Variants in LRRC4C observed in about 807,000 individuals in gnomAD.
The protein encoded by LRRC4C is leucine rich repeat containing 4C.
LRRC4C carries 5 observed loss-of-function variants against 33.6 expected under a neutral mutation model. That is an observed-to-expected ratio of 0.15 (90% confidence interval 0.08 to 0.31). The LOEUF (loss-of-function observed/expected upper bound fraction) is 0.31, where lower values mean the gene tolerates loss of function less well. Among genes scored for constraint, LRRC4C ranks in the 10% least tolerant of loss-of-function variants. The probability of loss-of-function intolerance (pLI) is 1.00; values close to 1 mark genes in which losing one functional copy is unlikely to be tolerated. For missense variants in LRRC4C, 560 were observed against 796.7 expected, an observed-to-expected ratio of 0.70 and a Z score of 3.58; for synonymous variants, 329 against 302.0, an observed-to-expected ratio of 1.09 and a Z score of -0.93.
intron 1 of LRRC4C, among the ~76,000 whole-genome samples, chr11:41,438,957 T>A (rs1955527464): frequency 6.6e-6 from 1 of 152,208 alleles, no homozygotes. Context: ...AGTGCCATTT[T>A]GTTACATGGA....
intron 5 of LRRC4C, among the ~76,000 whole-genome samples, chr11:40,191,971 TAAATA>T (rs751046500): frequency 9.9e-5 from 15 of 152,046 alleles, no homozygotes; most frequent in Admixed American, 2.6e-4. Flanking sequence ...AATAAATAAA[TAAATA>T]AAAGTCTATA....
chr11:40,250,610 G>C (rs185274564), intron 4 of LRRC4C, among the ~76,000 whole-genome samples: 11 of 151,996 alleles, frequency 7.2e-5, no homozygotes, highest in Admixed American at 3.3e-4. Context: ...CATGGTGGCG[G>C]GCGCCTGTAA....
At chr11:41,295,436 G>C (rs903837720) in intron 1 of LRRC4C, among the ~76,000 whole-genome samples, 1 of 152,160 alleles carries the variant, frequency 6.6e-6, no homozygotes, top group Non-Finnish European at 1.5e-5. Flanking sequence ...GAAAAGGAAA[G>C]AGGCTTAGCT....
At chr11:40,498,866 T>C (rs72899026) in intron 3 of LRRC4C, among the ~76,000 whole-genome samples, 5,890 of 152,208 alleles carry the variant, frequency 0.039, 259 homozygotes, top group African/African-American at 0.11. Context: ...ACTGGAAAAA[T>C]AGGCTTTAAA....
intron 1 of LRRC4C, among the ~76,000 whole-genome samples, chr11:41,178,838 G>C (rs1423359588): frequency 6.6e-6 from 1 of 152,166 alleles, no homozygotes; most frequent in East Asian, 1.9e-4. Flanking sequence ...AAGTAGCTGG[G>C]ATTACAGGTG....
chr11:40,224,851 C>T (rs942185171), intron 5 of LRRC4C, among the ~76,000 whole-genome samples: 17 of 152,166 alleles, frequency 1.1e-4, no homozygotes, highest in African/African-American at 3.6e-4. Context: ...CTCATAGCTT[C>T]ATAAAGTTGA....
At chr11:40,711,609 T>C (rs1946468547) in intron 2 of LRRC4C, among the ~76,000 whole-genome samples, 1 of 152,050 alleles carries the variant, frequency 6.6e-6, no homozygotes, top group South Asian at 2.1e-4. Context: ...GTGAATAGTT[T>C]GATAAACATT....
chr11:40,703,459 G>T (rs1945981927), intron 2 of LRRC4C, among the ~76,000 whole-genome samples: 1 of 152,114 alleles, frequency 6.6e-6, no homozygotes, highest in South Asian at 2.1e-4. Flanking sequence ...GGTGCCTGTA[G>T]TTCCAGCTAC....
chr11:41,252,485 T>C (rs1020317594), intron 1 of LRRC4C, among the ~76,000 whole-genome samples: 1 of 152,122 alleles, frequency 6.6e-6, no homozygotes, highest in African/African-American at 2.4e-5. Context: ...CCGGACCCAA[T>C]AGTCAGGAGG....
At chr11:41,391,699 C>T (rs1165695748) in intron 1 of LRRC4C, among the ~76,000 whole-genome samples, 4 of 151,880 alleles carry the variant, frequency 2.6e-5, no homozygotes, top group Non-Finnish European at 5.9e-5. Context: ...AACTGACAGA[C>T]ATTTCCTTTC....
Position 41,121,932 on chromosome 11 carries a change from C to CAA in LRRC4C, c.-495-188211_-495-188210dup, listed in dbSNP as rs5791421. On this transcript the variant is annotated intron_variant, in intron 1 of 6. Transcript: ENST00000528697. The stretch of plus-strand genomic sequence containing the variant: ...AGAGGTGTTGTCATCATTAGCAGTA[C>CAA]AAAAAAAAAATCTCATCTAGAAAAA... Among the ~76,000 whole-genome samples the CAA allele has an allele frequency of 2.6e-3, 384 of 148,924 alleles. 1 individual carries two copies. Among genetic ancestry groups the CAA allele is most frequent in the Middle Eastern group, 6.9e-3 (2 of 290 alleles).
intron 1 of LRRC4C, among the ~76,000 whole-genome samples, chr11:41,121,944 C>A (rs1942455040): frequency 6.8e-6 from 1 of 146,344 alleles, no homozygotes; most frequent in African/African-American, 2.5e-5. Flanking sequence ...AAAAAAAAAT[C>A]TCATCTAGAA....
chr11:41,420,297 G>T (rs1954830814), intron 1 of LRRC4C, among the ~76,000 whole-genome samples: 1 of 151,884 alleles, frequency 6.6e-6, no homozygotes, highest in South Asian at 2.1e-4. Flanking sequence ...CAGTTCACAG[G>T]AAGACTTCTG....
chr11:40,987,675 GATAT>G (rs200421544), intron 1 of LRRC4C, among the ~76,000 whole-genome samples: 2 of 65,966 alleles, frequency 3.0e-5, no homozygotes, highest in African/African-American at 7.6e-5. Context: ...AGATATAAAT[GATAT>G]ATATATATAT....
chr11:40,547,066 T>C (rs1450866330), intron 3 of LRRC4C, among the ~76,000 whole-genome samples: 1 of 152,184 alleles, frequency 6.6e-6, no homozygotes, highest in Non-Finnish European at 1.5e-5. Context: ...CGTAGTGTTC[T>C]TAAAGTTGAT....
At chr11:41,112,546 G>A (rs1941895525) in intron 1 of LRRC4C, among the ~76,000 whole-genome samples, 2 of 152,008 alleles carry the variant, frequency 1.3e-5, no homozygotes, top group South Asian at 4.1e-4. Flanking sequence ...TCAAGGCAAT[G>A]GGCATAGAAT....
intron 1 of LRRC4C, among the ~76,000 whole-genome samples, chr11:41,351,289 C>CA (rs992000750): frequency 2.0e-5 from 3 of 150,630 alleles, no homozygotes; most frequent in East Asian, 1.9e-4. Context: ...TCCACATAGA[C>CA]AAAAAAAGAG....
chr11:41,080,542 G>T (rs143467259), intron 1 of LRRC4C, among the ~76,000 whole-genome samples: 6 of 151,868 alleles, frequency 4.0e-5, no homozygotes, highest in Non-Finnish European at 8.8e-5. Context: ...TAGTAGAGAC[G>T]GAGTTTCTCC....
intron 3 of LRRC4C, among the ~76,000 whole-genome samples, chr11:40,449,528 G>A (rs1050989589): frequency 2.0e-5 from 3 of 152,084 alleles, no homozygotes; most frequent in African/African-American, 7.2e-5. Context: ...TTATTTTAAA[G>A]CTAGGGAAAA....
Sources: allele counts gnomAD v4.1 joint callset (sites outside exome capture counted in the v4.1 genomes callset), GRCh38; gene constraint gnomAD v4.1.1; transcripts MANE v1.5; gene names NCBI Gene and HGNC (gene_info 2026-07-23, HGNC 2026-07-21).